DCDC2C: variants seen among roughly 807,000 people sequenced by gnomAD.
DCDC2C encodes doublecortin domain containing 2C, also known as doublecortin domain-containing protein 2C.
In DCDC2C, 44 loss-of-function variants were observed where a neutral mutation model predicts 45.0. The observed-to-expected ratio is 0.98, with a 90% CI of 0.77 to 1.26. The LOEUF is 1.26. DCDC2C is among the 50% of genes most tolerant of loss of function. The pLI, the probability that DCDC2C is intolerant of heterozygous loss-of-function variation, is 0.00. For synonymous variants in DCDC2C, 187 were observed against 178.8 expected (o/e 1.05, Z -0.37); for missense variants, 447 against 468.9 (o/e 0.95, Z 0.43).
Position 3,711,794 on chromosome 2 carries a change from G to A in DCDC2C, c.339+3194G>A, listed in dbSNP as rs376923792. On this transcript the variant is annotated intron_variant, in intron 2 of 10. Transcript: ENST00000399143. ...GCTTATAGAGAAGTAGAATTAACAC[G>A]CATTATTTTAACCTCTTTACTATTT... 4.6e-5 allele frequency among the ~76,000 whole-genome samples: 7 copies of A among 152,286 alleles called. No individual in the cohort carries two copies. The East Asian group carries it at 9.6e-4, about 21-fold the overall frequency.
chr2:3,703,621 C>G lies in DCDC2C; in HGVS notation c.-131C>G, dbSNP rs923990323. The G allele has an allele frequency of 2.1e-5, 19 of 913,658 alleles. No individual in the cohort carries two copies. Among genetic ancestry groups the G allele is most frequent in the African/African-American group, 3.5e-5 (2 of 56,778 alleles). The allele number at this position is 913,658 out of a possible 1,614,324, so 56.6% of individuals were successfully genotyped here. A position where few individuals can be genotyped will look rare whatever the true frequency, so the allele number is the denominator to read the frequency against. On this transcript the variant is annotated 5_prime_UTR_variant, in exon 1 of 11. Coordinates refer to ENST00000399143, the MANE Select transcript of DCDC2C (RefSeq NM_001287444.2). The surrounding 1 kb of genome is among the most constrained non-coding windows in gnomAD (Gnocchi z 4.4). ...AGCCCCCGTCCCGTCCCCGTCCCGT[C>G]CCCGTCCTGCGCCAGCGGCTGGAGC...
At chr2:3,843,300 T>C (rs1357201446) in intron 10 of DCDC2C, among the ~76,000 whole-genome samples, 1 of 151,944 alleles carries the variant, frequency 6.6e-6, no homozygotes, top group African/African-American at 2.4e-5. Context: ...GAGAATGAAA[T>C]TGGAGTTGAG....
chr2:3,804,745 G>T (rs1671191840), intron 10 of DCDC2C, among the ~76,000 whole-genome samples: 1 of 152,130 alleles, frequency 6.6e-6, no homozygotes, highest in Non-Finnish European at 1.5e-5. Flanking sequence ...TAATTTCAGA[G>T]TACTTCTACC....
intron 10 of DCDC2C, among the ~76,000 whole-genome samples, chr2:3,843,700 C>T (rs566896567): frequency 3.9e-5 from 6 of 152,282 alleles, no homozygotes; most frequent in Middle Eastern, 6.8e-3. Flanking sequence ...TGATTTCTTT[C>T]TTTTTCATTT....
chr2:3,778,121 A>G (rs538407225), intron 8 of DCDC2C, among the ~76,000 whole-genome samples: 117 of 150,338 alleles, frequency 7.8e-4, no homozygotes, highest in African/African-American at 2.7e-3. Context: ...CTTCCTTTGC[A>G]GTCAGGAAAC....
intron 2 of DCDC2C, among the ~76,000 whole-genome samples, chr2:3,708,953 A>G (rs1486466905): frequency 6.6e-6 from 1 of 152,226 alleles, no homozygotes; most frequent in African/African-American, 2.4e-5. Flanking sequence ...AGCTAATTAT[A>G]ATGCTAAATT....
chr2:3,776,022 G>A (rs1305293795), intron 8 of DCDC2C, among the ~76,000 whole-genome samples: 6 of 152,202 alleles, frequency 3.9e-5, no homozygotes, highest in Non-Finnish European at 8.8e-5. Flanking sequence ...GGTACAGGAT[G>A]TTTAATCTGT....
chr2:3,733,639 G>A lies in DCDC2C; in HGVS notation c.416+6560G>A, dbSNP rs151259178. ...GAGGGGTGTTCCCTGCTGCACAGTT[G>A]TGCCTTCTTGCTGTGTCCTCACATG... On this transcript the variant is annotated intron_variant, in intron 3 of 10. Coordinates refer to ENST00000399143, the MANE Select transcript of DCDC2C (RefSeq NM_001287444.2). Among the ~76,000 whole-genome samples, 357 of 152,320 alleles carry A rather than the reference G, an allele frequency of 2.3e-3. 1 individual carries two copies. The highest frequency in any genetic ancestry group is 3.9e-3 in the Non-Finnish European group (266 of 68,026).
At chr2:3,766,624 GA>G (rs1670018824) in intron 6 of DCDC2C, among the ~76,000 whole-genome samples, 1 of 152,148 alleles carries the variant, frequency 6.6e-6, no homozygotes. Flanking sequence ...CACAAAGATT[GA>G]AAACCTGGCA....
chr2:3,793,058 G>A (rs765888035), intron 10 of DCDC2C, among the ~76,000 whole-genome samples: 7 of 152,200 alleles, frequency 4.6e-5, no homozygotes, highest in Admixed American at 1.3e-4. Context: ...TTTGTTTCTC[G>A]TTTGTTCATC....
chr2:3,816,254 G>A (rs999712357), intron 10 of DCDC2C, among the ~76,000 whole-genome samples: 3 of 152,096 alleles, frequency 2.0e-5, no homozygotes, highest in Non-Finnish European at 4.4e-5. Flanking sequence ...GAGAAAAACA[G>A]GAATTAAAGG....
chr2:3,743,834 G>A (rs1406534090), intron 4 of DCDC2C, among the ~76,000 whole-genome samples: 5 of 152,204 alleles, frequency 3.3e-5, no homozygotes, highest in East Asian at 3.9e-4. Flanking sequence ...TTGGGAGGCC[G>A]AGGCCGGTGG....
At chr2:3,784,944 A>T (rs1670611362) in intron 9 of DCDC2C, 115 bp from the exon 10 acceptor site, 1 of 674,672 alleles carries the variant, frequency 1.5e-6, no homozygotes, top group African/African-American at 1.9e-5. Flanking sequence ...AATGATGTTT[A>T]TGAGAAAGAA....
intron 10 of DCDC2C, among the ~76,000 whole-genome samples, chr2:3,816,898 G>T (rs1411697956): frequency 6.6e-6 from 1 of 152,226 alleles, no homozygotes; most frequent in Non-Finnish European, 1.5e-5. Flanking sequence ...CTTGAGGATA[G>T]ATTTCCACAA....
intron 10 of DCDC2C, among the ~76,000 whole-genome samples, chr2:3,787,473 C>A (rs1445921571): frequency 6.6e-6 from 1 of 152,130 alleles, no homozygotes; most frequent in African/African-American, 2.4e-5. Flanking sequence ...AATCATGACT[C>A]CAATGGAGGT....
chr2:3,799,108 T>C (rs374507404), intron 10 of DCDC2C, among the ~76,000 whole-genome samples: 1 of 152,150 alleles, frequency 6.6e-6, no homozygotes, highest in Non-Finnish European at 1.5e-5. Flanking sequence ...CTTCTCACTT[T>C]ATTTCCTTCA....
At chr2:3,801,289 C>T (rs866391730) in intron 10 of DCDC2C, among the ~76,000 whole-genome samples, 36 of 152,334 alleles carry the variant, frequency 2.4e-4, no homozygotes, top group Middle Eastern at 6.8e-3. Context: ...CTTCCTGGCT[C>T]TGTGACCTAT....
chr2:3,796,823 A>G (rs532089996), intron 10 of DCDC2C, among the ~76,000 whole-genome samples: 7,883 of 150,608 alleles, frequency 0.052, 681 homozygotes, highest in African/African-American at 0.18. Context: ...TATTGGTCTA[A>G]AATTCTCTTT....
chr2:3,833,192 G>C (rs995667701), intron 10 of DCDC2C, among the ~76,000 whole-genome samples: 2 of 152,140 alleles, frequency 1.3e-5, no homozygotes, highest in Non-Finnish European at 2.9e-5. Flanking sequence ...CACTTTTAAG[G>C]ATCCTTGTGA....
Sources: gnomAD v4.1 joint callset for allele counts (sites outside exome capture counted in the v4.1 genomes callset) on GRCh38, gnomAD v4.1.1 for gene constraint, Gnocchi (gnomAD v3.1) non-coding constraint, MANE v1.5 for transcripts, NCBI Gene and HGNC (gene_info 2026-07-23, HGNC 2026-07-21) for gene names.